SDCCAG8: variants seen among roughly 807,000 people sequenced by gnomAD.
SDCCAG8 encodes serologically defined colon cancer antigen 8.
SDCCAG8 carries 74 observed loss-of-function variants against 101.8 expected under a neutral mutation model. The observed-to-expected ratio is 0.73, with a 90% CI of 0.60 to 0.88. The LOEUF (loss-of-function observed/expected upper bound fraction) is 0.88. SDCCAG8 is among the 40% of genes least tolerant of loss of function. The pLI is 0.00. For synonymous variants in SDCCAG8, 281 were observed against 292.9 expected (o/e 0.96, Z 0.41); for missense variants, 787 against 822.6 (o/e 0.96, Z 0.53).
chr1:243,478,686 G>A (rs573298477), intron 16 of SDCCAG8, among the ~76,000 whole-genome samples: 2 of 152,214 alleles, frequency 1.3e-5, no homozygotes, highest in South Asian at 2.1e-4. Flanking sequence ...CTAAAAGTGC[G>A]TTAATGTCAC....
chr1:243,263,959 A>G (rs986493272), intron 1 of SDCCAG8, among the ~76,000 whole-genome samples: 4 of 151,912 alleles, frequency 2.6e-5, no homozygotes, highest in Non-Finnish European at 5.9e-5. Context: ...ATAGACATGT[A>G]TTTCTTATCT....
At chr1:243,496,358 G>A (rs913265533) in intron 17 of SDCCAG8, among the ~76,000 whole-genome samples, 3 of 152,238 alleles carry the variant, frequency 2.0e-5, no homozygotes, top group Admixed American at 2.0e-4. Flanking sequence ...GAGCCACCAA[G>A]CGAGGCAGGG....
chr1:243,429,972 C>T (rs1338205857), intron 16 of SDCCAG8, among the ~76,000 whole-genome samples: 2 of 152,024 alleles, frequency 1.3e-5, no homozygotes, highest in African/African-American at 2.4e-5. Flanking sequence ...TCTGGGATTA[C>T]AGGCATGAGC....
chr1:243,359,569 A>G (rs927153346), intron 12 of SDCCAG8, among the ~76,000 whole-genome samples: 1 of 152,192 alleles, frequency 6.6e-6, no homozygotes, highest in Non-Finnish European at 1.5e-5. Flanking sequence ...TTCTGTGTGT[A>G]CCTGGAGGGC....
In SDCCAG8 at chr1:243,371,428, C is replaced by G. The variant is rs1300554176; in HGVS notation, c.1474-7293C>G. On this transcript the variant is annotated intron_variant, in intron 12 of 17. Transcript: ENST00000366541. ...TCATCTGTAAAACAGGAATAGGATACTTATTTTTATATGGTTGTCATGAAC... is the reference window on the plus strand; with the variant it reads ...TCATCTGTAAAACAGGAATAGGATAGTTATTTTTATATGGTTGTCATGAAC... Among the ~76,000 whole-genome samples the G allele has an allele frequency of 3.3e-5, 5 of 152,052 alleles. No homozygotes were observed. In the East Asian group the frequency reaches 9.7e-4, roughly 29 times the overall value.
chr1:243,311,530 G>T lies in SDCCAG8; in HGVS notation c.929+3353G>T, dbSNP rs961427353. On this transcript the variant is annotated intron_variant, in intron 8 of 17. Transcript: ENST00000366541. ...CAATATTGGTAACTAATTTTGCAAG[G>T]AGAATATAATTTAAAAATTAATTTT... Among the ~76,000 whole-genome samples the T allele has an allele frequency of 2.0e-5, 3 of 152,094 alleles. No homozygotes were observed. In the South Asian group the frequency reaches 6.2e-4, roughly 32 times the overall value.
intron 6 of SDCCAG8, 96 bp from the exon 7 acceptor site, chr1:243,304,616 TA>T: frequency 1.4e-6 from 1 of 694,718 alleles, no homozygotes; most frequent in Non-Finnish European, 2.5e-6. Context: ...CCACGTTGGG[TA>T]AAAAGAAAAA....
At chr1:243,422,585 T>C (rs2081082263) in intron 15 of SDCCAG8, among the ~76,000 whole-genome samples, 2 of 152,200 alleles carry the variant, frequency 1.3e-5, no homozygotes, top group African/African-American at 4.8e-5. Context: ...GTGAGTTTAA[T>C]TGAGGTGAAG....
chr1:243,439,184 C>T (rs2082355709), intron 16 of SDCCAG8, among the ~76,000 whole-genome samples: 2 of 152,038 alleles, frequency 1.3e-5, no homozygotes, highest in Admixed American at 6.6e-5. Flanking sequence ...GACAGGGTCT[C>T]ACTCTGTCAC....
chr1:243,267,237 C>A (rs1228754757), intron 1 of SDCCAG8: 1 of 166,362 alleles, frequency 6.0e-6, no homozygotes, highest in African/African-American at 2.7e-5. Flanking sequence ...AGCGAGACTC[C>A]GTCTTAAAAA....
rs974278250 is a variant in SDCCAG8 at position 243,474,533 on chromosome 1, G to A, written c.1986-14481G>A. On this transcript the variant is annotated intron_variant, in intron 16 of 17. Coordinates refer to ENST00000366541, the MANE Select transcript of SDCCAG8 (RefSeq NM_006642.5). This position sits in a 1 kb window ranked among gnomAD's most constrained non-coding sequence, Gnocchi z 4.7. ...AGGGAGGCCGAGAGGACGGTGCACCGCCCGGCAGCGCTGAGACCTGGCCGC... is the reference window on the plus strand; with the variant it reads ...AGGGAGGCCGAGAGGACGGTGCACCACCCGGCAGCGCTGAGACCTGGCCGC... Among the ~76,000 whole-genome samples, 12 of 152,208 alleles carry A rather than the reference G, an allele frequency of 7.9e-5. No homozygotes were observed. The highest frequency in any genetic ancestry group is 1.5e-4 in the Non-Finnish European group (10 of 68,022).
chr1:243,268,681 A>C (rs898862320), intron 1 of SDCCAG8, among the ~76,000 whole-genome samples: 1 of 152,176 alleles, frequency 6.6e-6, no homozygotes, highest in African/African-American at 2.4e-5. Context: ...TATAACAGAG[A>C]CTTTTTTTTT....
Position 243,358,820 on chromosome 1 carries a change from C to T in SDCCAG8, c.1473+14489C>T, listed in dbSNP as rs987259147. ...TACATTCTACAGCATGGTAGACTTA[C>T]AATTGAAAACATCATGTTAGATGAA... On this transcript the variant is annotated intron_variant, in intron 12 of 17. Coordinates refer to ENST00000366541, the MANE Select transcript of SDCCAG8 (RefSeq NM_006642.5). Among the ~76,000 whole-genome samples, 24 of 152,086 alleles carry T rather than the reference C, an allele frequency of 1.6e-4. 1 individual carries two copies. Among genetic ancestry groups the T allele is most frequent in the Non-Finnish European group, 3.2e-4 (22 of 68,010 alleles).
intron 16 of SDCCAG8, among the ~76,000 whole-genome samples, chr1:243,457,695 A>T (rs1658092004): frequency 6.6e-6 from 1 of 152,190 alleles, no homozygotes; most frequent in African/African-American, 2.4e-5. Flanking sequence ...TGTCCTTAAC[A>T]CTTTGATTTA....
intron 16 of SDCCAG8, among the ~76,000 whole-genome samples, chr1:243,453,850 A>G (rs1218559167): frequency 2.6e-5 from 4 of 152,258 alleles, no homozygotes; most frequent in African/African-American, 9.6e-5. Flanking sequence ...ATTTCAGCAC[A>G]TAAAATAAGA....
At chr1:243,365,477 T>C (rs2076944752) in intron 12 of SDCCAG8, among the ~76,000 whole-genome samples, 1 of 152,200 alleles carries the variant, frequency 6.6e-6, no homozygotes, top group South Asian at 2.1e-4. Context: ...TTTCATTTTA[T>C]ATTCCCTTTA....
intron 8 of SDCCAG8, among the ~76,000 whole-genome samples, chr1:243,311,521 T>C (rs1475971830): frequency 6.6e-6 from 1 of 152,162 alleles, no homozygotes; most frequent in East Asian, 1.9e-4. Flanking sequence ...TGGTAACTAA[T>C]TTTGCAAGGA....
chr1:243,336,154 C>A (rs1472975212), intron 10 of SDCCAG8, among the ~76,000 whole-genome samples: 2 of 152,106 alleles, frequency 1.3e-5, no homozygotes, highest in Admixed American at 1.3e-4. Context: ...GAATATATAT[C>A]CAGTAATGGG....
chr1:243,470,517 C>G (rs1661040156), intron 16 of SDCCAG8, among the ~76,000 whole-genome samples: 1 of 149,194 alleles, frequency 6.7e-6, no homozygotes, highest in Non-Finnish European at 1.5e-5. Flanking sequence ...GCCTGTCTCA[C>G]TGGGGGCTGG....
Sources: gnomAD v4.1 joint callset for allele counts (sites outside exome capture counted in the v4.1 genomes callset) on GRCh38, gnomAD v4.1.1 for gene constraint, Gnocchi (gnomAD v3.1) non-coding constraint, MANE v1.5 for transcripts, NCBI Gene and HGNC (gene_info 2026-07-23, HGNC 2026-07-21) for gene names.